The following PCM1 variants were observed in gnomAD, a reference collection of about 807,000 sequenced individuals.
PCM1 encodes pericentriolar material 1 protein.
PCM1 carries 157 observed loss-of-function variants against 241.9 expected under a neutral mutation model. The observed-to-expected ratio is 0.65, with a 90% CI of 0.57 to 0.74. The LOEUF (loss-of-function observed/expected upper bound fraction) is 0.74. Among genes scored for constraint, PCM1 ranks in the 30% least tolerant of loss-of-function variants. The pLI, the probability that PCM1 is intolerant of heterozygous loss-of-function variation, is 0.00. For missense variants in PCM1, 3,478 were observed against 2,360.1 expected (o/e 1.47, Z -9.81); for synonymous variants, 1,085 against 784.9 (o/e 1.38, Z -6.39).
chr8:18,011,915 A>T, intron 34 of PCM1, 88 bp downstream of exon 34: 2 of 1,161,702 alleles, frequency 1.7e-6, no homozygotes, highest in Non-Finnish European at 2.5e-6. Flanking sequence ...ATCAAAGTAG[A>T]TCCTTCTAAA....
chr8:17,944,296 A>C (rs1044841854), intron 6 of PCM1, among the ~76,000 whole-genome samples: 1 of 152,192 alleles, frequency 6.6e-6, no homozygotes, highest in Non-Finnish European at 1.5e-5. Flanking sequence ...CTAGAGCCTA[A>C]GAACCTGATT....
At chr8:17,950,818 A>G (rs1177920441) in intron 8 of PCM1, 94 bp downstream of exon 8, 3 of 749,380 alleles carry the variant, frequency 4.0e-6, no homozygotes, top group African/African-American at 1.8e-5. Context: ...ATCACCTGGC[A>G]TGATTGTTGA....
intron 22 of PCM1, 92 bp downstream of exon 22, chr8:17,969,840 C>T (rs551868867): frequency 1.9e-5 from 18 of 951,162 alleles, no homozygotes; most frequent in African/African-American, 5.1e-5. Context: ...CTAGGGAGGA[C>T]GTTTGTGATG....
chr8:17,953,239 C>T, intron 9 of PCM1, 53 bp downstream of exon 9: 1 of 831,558 alleles, frequency 1.2e-6, no homozygotes, highest in Non-Finnish European at 1.8e-6. Flanking sequence ...AGTATATATA[C>T]TGTCACATAA....
intron 17 of PCM1, among the ~76,000 whole-genome samples, 200 bp from the exon 18 acceptor site, chr8:17,964,368 T>C (rs2073960976): frequency 6.6e-6 from 1 of 152,200 alleles, no homozygotes; most frequent in African/African-American, 2.4e-5. Context: ...AAGAATTGTT[T>C]TGAGGAAGGC....
At chr8:17,974,034 A>G (rs985270404) in intron 23 of PCM1, among the ~76,000 whole-genome samples, 5 of 152,204 alleles carry the variant, frequency 3.3e-5, no homozygotes, top group Admixed American at 6.5e-5. Flanking sequence ...CTTGAACCCC[A>G]TGTGAAGAAT....
At chr8:17,934,789 G>A (rs2059977315) in intron 2 of PCM1, 1 of 152,142 alleles carries the variant, frequency 6.6e-6, no homozygotes, top group Non-Finnish European at 1.5e-5. Flanking sequence ...CTTACTTTCT[G>A]ATGATCATCT....
chr8:17,971,974 G>GGCTCAA (rs2077008812), intron 22 of PCM1, among the ~76,000 whole-genome samples: 1 of 152,124 alleles, frequency 6.6e-6, no homozygotes, highest in African/African-American at 2.4e-5. Context: ...TGAACTCCTG[G>GGCTCAA]GCTCAAGCAT....
chr8:17,930,503 T>C (rs2058652206), intron 2 of PCM1, among the ~76,000 whole-genome samples: 1 of 152,132 alleles, frequency 6.6e-6, no homozygotes, highest in African/African-American at 2.4e-5. Context: ...AATGGTGACA[T>C]TTAGGTGGTT....
At chr8:17,951,106 G>A (rs1266065971) in intron 8 of PCM1, among the ~76,000 whole-genome samples, 1 of 152,058 alleles carries the variant, frequency 6.6e-6, no homozygotes, top group African/African-American at 2.4e-5. Flanking sequence ...TAGATACATG[G>A]GATTCTATAC....
intron 10 of PCM1, 74 bp from the exon 11 acceptor site, chr8:17,956,530 T>C (rs1163721102): frequency 1.1e-6 from 1 of 904,774 alleles, no homozygotes; most frequent in East Asian, 2.6e-5. Flanking sequence ...TTAGCTGCTA[T>C]GATATGAAAA....
intron 2 of PCM1, among the ~76,000 whole-genome samples, chr8:17,933,584 C>A (rs1008469091): frequency 9.2e-5 from 14 of 152,040 alleles, no homozygotes; most frequent in Non-Finnish European, 2.1e-4. Flanking sequence ...CATTTTTTCT[C>A]CCATATTGTT....
At chr8:17,932,959 A>G (rs767174690) in intron 2 of PCM1, among the ~76,000 whole-genome samples, 7 of 152,160 alleles carry the variant, frequency 4.6e-5, no homozygotes, top group Admixed American at 1.3e-4. Context: ...GGTACTGGAT[A>G]TGTACCATCC....
intron 11 of PCM1, 121 bp downstream of exon 11, chr8:17,956,898 A>C: frequency 1.2e-6 from 1 of 811,342 alleles, no homozygotes; most frequent in Non-Finnish European, 1.9e-6. Context: ...GCTTTCTACT[A>C]TTTTGGTCAG....
At chr8:17,946,018 G>A (rs1209315315) in intron 6 of PCM1, among the ~76,000 whole-genome samples, 3 of 152,050 alleles carry the variant, frequency 2.0e-5, no homozygotes, top group Non-Finnish European at 2.9e-5. Context: ...TATACGTTTC[G>A]ATGTATAATT....
intron 1 of PCM1, among the ~76,000 whole-genome samples, chr8:17,923,480 G>A (rs118013631): frequency 3.9e-5 from 6 of 152,220 alleles, no homozygotes; most frequent in African/African-American, 1.4e-4. Context: ...CGGGGAGGCT[G>A]TTCTGCGTCC....
chr8:17,928,011 G>A (rs560483633), intron 2 of PCM1: 8 of 149,708 alleles, frequency 5.3e-5, no homozygotes, highest in Non-Finnish European at 1.0e-4. Context: ...TTTCAACTTC[G>A]TTTAGTAAGG....
chr8:17,933,877 T>G (rs2059706163), intron 2 of PCM1, among the ~76,000 whole-genome samples: 1 of 152,146 alleles, frequency 6.6e-6, no homozygotes, highest in Non-Finnish European at 1.5e-5. Flanking sequence ...ATGTCCTTCA[T>G]GTCTTATTTT....
At chr8:17,952,687 A>G (rs919172926) in intron 8 of PCM1, among the ~76,000 whole-genome samples, 2 of 151,948 alleles carry the variant, frequency 1.3e-5, no homozygotes, top group African/African-American at 4.8e-5. Flanking sequence ...TGCAGATACT[A>G]CACCATTTTA....
Sources: gnomAD v4.1 joint callset for allele counts (sites outside exome capture counted in the v4.1 genomes callset) on GRCh38, gnomAD v4.1.1 for gene constraint, MANE v1.5 for transcripts, NCBI Gene and HGNC (gene_info 2026-07-23, HGNC 2026-07-21) for gene names.